NOC3L: variants seen among roughly 807,000 people sequenced by gnomAD.
NOC3L encodes nucleolar complex protein 3 homolog.
A neutral mutation model predicts 102.5 loss-of-function variants in NOC3L; 85 were observed. That is an observed-to-expected ratio of 0.83 (90% confidence interval 0.70 to 0.99). The LOEUF is 0.99. Ranked by LOEUF, NOC3L falls within the 50% of genes least tolerant of loss-of-function variation. The pLI is 0.00. For missense variants in NOC3L, 878 were observed against 914.9 expected (o/e 0.96, Z 0.52); for synonymous variants, 303 against 309.4 (o/e 0.98, Z 0.22).
chr10:94,328,011 A>AAAAAT, the NOC3L span: 7 of 531,192 alleles, frequency 1.3e-5, no homozygotes, highest in Non-Finnish European at 2.7e-5. Context: ...ACATGGTGGA[A>AAAAAT]AAAATATAAT....
chr10:94,342,467 G>A (rs1377935894), intron 13 of NOC3L, among the ~76,000 whole-genome samples: 2 of 151,716 alleles, frequency 1.3e-5, no homozygotes, highest in African/African-American at 2.4e-5. Flanking sequence ...ACAACTTTTT[G>A]GAGAAGCAAT....
At chr10:94,346,117 C>T (rs1349236900) in intron 11 of NOC3L, among the ~76,000 whole-genome samples, 2 of 152,164 alleles carry the variant, frequency 1.3e-5, no homozygotes, top group Non-Finnish European at 2.9e-5. Context: ...CACGTGAATG[C>T]ATCTTTTCTG....
the NOC3L span, among the ~76,000 whole-genome samples, chr10:94,326,375 T>G: frequency 6.6e-6 from 1 of 152,220 alleles, no homozygotes; most frequent in African/African-American, 2.4e-5. Context: ...TTTCCACATT[T>G]AAAGAGCAAC....
In NOC3L at chr10:94,361,662, T is replaced by C. The variant is rs1280210328; in HGVS notation, c.217+3A>G. On this transcript the variant is annotated splice_donor_region_variant and intron_variant, in intron 2 of 20. Coordinates refer to ENST00000371361, the MANE Select transcript of NOC3L (RefSeq NM_022451.11). The stretch of plus-strand genomic sequence containing the variant: ...CCAGAGCACATGATGTTTTCACAAT[T>C]ACCTGGTCGCTTTTCCTTTGGGTTC... 2 of 1,612,188 alleles carry C rather than the reference T, an allele frequency of 1.2e-6. No homozygotes were observed. The highest frequency in any genetic ancestry group is 4.5e-5 in the East Asian group (2 of 44,876).
chr10:94,330,198 A>C (rs2054143387), downstream of NOC3L: 1 of 152,174 alleles, frequency 6.6e-6, no homozygotes, highest in African/African-American at 2.4e-5. Flanking sequence ...ATGACCTTTA[A>C]CACAGGTGTA....
At chr10:94,315,769 C>CAAAAAAAAAAAAAAAA in the NOC3L span, among the ~76,000 whole-genome samples, 1 of 122,870 alleles carries the variant, frequency 8.1e-6, no homozygotes, top group Non-Finnish European at 1.7e-5. Context: ...GACTCTGTCT[C>CAAAAAAAAAAAAAAAA]AAAAAAAAAA....
downstream of NOC3L, chr10:94,331,212 T>C (rs1293030902): frequency 6.6e-6 from 1 of 152,234 alleles, no homozygotes; most frequent in Non-Finnish European, 1.5e-5. Flanking sequence ...CAAACTTGCT[T>C]TCTTTTATGG....
chr10:94,349,349 C>G lies in NOC3L; in HGVS notation c.1158G>C (p.Lys386Asn). Residue 386 changes from lysine to asparagine, a missense_variant, in exon 10 of 21, where the codon AAG becomes AAC. Lys to Asn is a moderately conservative substitution (Grantham distance 94, BLOSUM62 0). Transcript: ENST00000371361. ...CTAATTTATCTTGCTTAAAGAGTTT[C>G]TTCACAGCTTCACAACACATTTCAG... is the stretch of plus-strand genomic sequence containing the variant. ...LISEMCCEAV[K>N]KLFKQDKLGQ... 1 of 1,579,544 alleles carries G rather than the reference C, an allele frequency of 6.3e-7. No homozygotes were observed. The highest frequency in any genetic ancestry group is 8.5e-7 in the Non-Finnish European group (1 of 1,171,076).
chr10:94,315,184 T>C, the NOC3L span: 1 of 326,098 alleles, frequency 3.1e-6, no homozygotes, highest in Non-Finnish European at 6.0e-6. Context: ...TTTCATCATT[T>C]ATAGACCAAG....
At chr10:94,352,801 G>C (rs2054436151) in intron 7 of NOC3L, 95 bp downstream of exon 7, 1 of 1,069,616 alleles carries the variant, frequency 9.3e-7, no homozygotes, top group African/African-American at 1.6e-5. Flanking sequence ...TAGTCTGGGC[G>C]ACAGAGTAAA....
intron 19 of NOC3L, 147 bp from the exon 20 acceptor site, chr10:94,334,865 A>T (rs1217695827): frequency 1.6e-6 from 1 of 621,054 alleles, no homozygotes; most frequent in Non-Finnish European, 2.8e-6. Flanking sequence ...GTCACTTAAC[A>T]AATTCTAAAT....
intron 6 of NOC3L, among the ~76,000 whole-genome samples, chr10:94,353,397 C>T (rs1428521200): frequency 6.6e-6 from 1 of 152,182 alleles, no homozygotes; most frequent in Non-Finnish European, 1.5e-5. Flanking sequence ...AACTTACGAT[C>T]AAGGCAGAAG....
At chr10:94,354,941 T>G (rs1473676657) in intron 6 of NOC3L, 22 bp downstream of exon 6, 2 of 1,609,740 alleles carry the variant, frequency 1.2e-6, no homozygotes, top group South Asian at 2.2e-5. Context: ...ACAAAGAGCC[T>G]AAAGAAATTA....
chr10:94,316,454 T>C, the NOC3L span: 3 of 790,762 alleles, frequency 3.8e-6, no homozygotes, highest in Admixed American at 1.9e-5. Flanking sequence ...ATTTCACTTA[T>C]AAATTGCATA....
chr10:94,337,550 G>C (rs1172921295), intron 19 of NOC3L, among the ~76,000 whole-genome samples: 3 of 150,070 alleles, frequency 2.0e-5, no homozygotes, highest in Non-Finnish European at 4.4e-5. Flanking sequence ...TTAAAAAAAT[G>C]TTTTTCAAGT....
the NOC3L span, among the ~76,000 whole-genome samples, chr10:94,317,780 ATGAC>A: frequency 6.6e-5 from 10 of 152,272 alleles, no homozygotes; most frequent in African/African-American, 2.2e-4. Context: ...TAACTTAAGA[ATGAC>A]ATATAAGGTC....
chr10:94,326,826 T>C, the NOC3L span, among the ~76,000 whole-genome samples: 1 of 152,194 alleles, frequency 6.6e-6, no homozygotes, highest in South Asian at 2.1e-4. Context: ...AGCAAGCAGA[T>C]ATTTAGAATC....
chr10:94,348,981 G>C (rs547504470), intron 10 of NOC3L, among the ~76,000 whole-genome samples: 1 of 151,950 alleles, frequency 6.6e-6, no homozygotes, highest in Non-Finnish European at 1.5e-5. Flanking sequence ...AATGAAAACT[G>C]TTCCAGAACA....
At chr10:94,343,175 T>C (rs2054305587) in intron 13 of NOC3L, among the ~76,000 whole-genome samples, 1 of 152,214 alleles carries the variant, frequency 6.6e-6, no homozygotes, top group Non-Finnish European at 1.5e-5. Flanking sequence ...GTATATTCTT[T>C]TGCATTATTT....
Sources: gnomAD v4.1 joint callset for allele counts (sites outside exome capture counted in the v4.1 genomes callset) on GRCh38, gnomAD v4.1.1 for gene constraint, MANE v1.5 for transcripts, NCBI Gene and HGNC (gene_info 2026-07-23, HGNC 2026-07-21) for gene names.